CLVS1: variants seen among roughly 807,000 people sequenced by gnomAD.
CLVS1 encodes clavesin-1.
CLVS1 carries 10 observed loss-of-function variants against 33.1 expected under a neutral mutation model. That is an observed-to-expected ratio of 0.30 (90% CI 0.19 to 0.51). The LOEUF is 0.51. Among genes scored for constraint, CLVS1 ranks in the 20% least tolerant of loss-of-function variants. CLVS1 has a pLI of 0.97. For synonymous variants in CLVS1, 163 were observed against 166.1 expected (o/e 0.98, Z 0.14); for missense variants, 343 against 433.4 (o/e 0.79, Z 1.85).
At chr8:61,130,113 C>T (rs191749795) in intron 1 of CLVS1, among the ~76,000 whole-genome samples, 143 of 152,128 alleles carry the variant, frequency 9.4e-4, no homozygotes, top group African/African-American at 3.0e-3. Flanking sequence ...TGGCACGTGC[C>T]TGTAGTCCCA....
At chr8:61,355,076 C>G (rs1371535482) in intron 2 of CLVS1, among the ~76,000 whole-genome samples, 2 of 152,136 alleles carry the variant, frequency 1.3e-5, no homozygotes, top group Non-Finnish European at 2.9e-5. Flanking sequence ...CACCTACGCC[C>G]AAAACAAATT....
the CLVS1 span, chr8:60,966,321 T>G: frequency 4.4e-6 from 2 of 454,504 alleles, no homozygotes; most frequent in Non-Finnish European, 8.8e-6. Context: ...AGCAGCAGCC[T>G]CTGCCTTTTT....
intron 4 of CLVS1, among the ~76,000 whole-genome samples, chr8:61,457,923 G>A (rs1203962800): frequency 1.3e-5 from 2 of 152,222 alleles, no homozygotes. Flanking sequence ...GGATCTGGAG[G>A]ACTGGGTGAG....
At chr8:61,481,980 G>T (rs891546314) in intron 5 of CLVS1, among the ~76,000 whole-genome samples, 1 of 152,170 alleles carries the variant, frequency 6.6e-6, no homozygotes, top group Non-Finnish European at 1.5e-5. Flanking sequence ...ATACAGCTAG[G>T]TGCCCCTCTG....
At chr8:61,163,922 G>A (rs1437742881) in intron 2 of CLVS1, among the ~76,000 whole-genome samples, 5 of 152,168 alleles carry the variant, frequency 3.3e-5, no homozygotes, top group Non-Finnish European at 1.5e-5. Flanking sequence ...GAACAAACAC[G>A]GACCAGAAGA....
chr8:61,423,361 C>T (rs1469451451), intron 3 of CLVS1, among the ~76,000 whole-genome samples: 1 of 152,176 alleles, frequency 6.6e-6, no homozygotes, highest in Non-Finnish European at 1.5e-5. Flanking sequence ...ATTTAATTTA[C>T]AGAACACTTC....
chr8:61,059,810 C>CAA (rs71559323), intron 1 of CLVS1, among the ~76,000 whole-genome samples: 47 of 142,270 alleles, frequency 3.3e-4, no homozygotes, highest in Middle Eastern at 3.6e-3. Context: ...AACTCCATCT[C>CAA]AAAAAAAAAA....
intron 2 of CLVS1, among the ~76,000 whole-genome samples, chr8:61,156,381 A>G (rs1220020396): frequency 6.6e-6 from 1 of 151,722 alleles, no homozygotes; most frequent in Non-Finnish European, 1.5e-5. Flanking sequence ...CACACTTCGG[A>G]TATGGCTCGT....
rs530704577 is a variant in CLVS1, at chr8:61,249,441, T to C, written c.-151-50236T>C. ...AATCCTTTGGATATATACCCAGTAATGGGATTGCTGGGTCAGATGGTATTT... is the reference window on the plus strand; with the variant it reads ...AATCCTTTGGATATATACCCAGTAACGGGATTGCTGGGTCAGATGGTATTT... On this transcript the variant is annotated intron_variant, in intron 2 of 2. Coordinates refer to the CLVS1 transcript ENST00000522621. 5.9e-5 allele frequency among the ~76,000 whole-genome samples: 9 copies of C among 152,338 alleles called. No individual in the cohort carries two copies. In the East Asian group the frequency reaches 1.7e-3, roughly 29 times the overall value.
At chr8:61,327,297 A>G (rs1300695289) in intron 2 of CLVS1, among the ~76,000 whole-genome samples, 1 of 152,216 alleles carries the variant, frequency 6.6e-6, no homozygotes, top group Non-Finnish European at 1.5e-5. Flanking sequence ...ATAAACACCT[A>G]TAGATATTGA....
intron 2 of CLVS1, among the ~76,000 whole-genome samples, chr8:61,196,593 C>A (rs1807614287): frequency 6.6e-6 from 1 of 152,142 alleles, no homozygotes; most frequent in Non-Finnish European, 1.5e-5. Context: ...TTGTTCTTAC[C>A]TGTTTCCCCT....
chr8:60,994,499 G>T, the CLVS1 span, among the ~76,000 whole-genome samples: 8 of 152,184 alleles, frequency 5.3e-5, no homozygotes, highest in African/African-American at 1.9e-4. Flanking sequence ...CAAACCTGTG[G>T]TCTGTGAAGG....
chr8:60,971,540 G>T, the CLVS1 span, among the ~76,000 whole-genome samples: 1 of 152,128 alleles, frequency 6.6e-6, no homozygotes, highest in South Asian at 2.1e-4. Flanking sequence ...TGTGTATTTG[G>T]TCTCTCTCTT....
the CLVS1 span, among the ~76,000 whole-genome samples, chr8:61,035,313 C>CA: frequency 6.6e-6 from 1 of 151,436 alleles, no homozygotes; most frequent in African/African-American, 2.4e-5. Context: ...CCTGAGAGCT[C>CA]AAAAATCATT....
intron 2 of CLVS1, among the ~76,000 whole-genome samples, chr8:61,198,810 C>T (rs1218799616): frequency 6.6e-6 from 1 of 152,198 alleles, no homozygotes; most frequent in African/African-American, 2.4e-5. Context: ...TAAGTGAGAA[C>T]ATCCTGTATT....
Position 61,073,928 on chromosome 8 carries a change from C to T in CLVS1, c.-243+16698C>T, listed in dbSNP as rs111445487. Among the ~76,000 whole-genome samples, 1,260 of 144,922 alleles carry T rather than the reference C, an allele frequency of 8.7e-3. 18 individuals carry two copies. The highest frequency in any genetic ancestry group is 0.031 in the African/African-American group (1,193 of 38,390). On this transcript the variant is annotated intron_variant, in intron 1 of 2. Transcript: ENST00000522621. Reference sequence around the variant, plus strand: ...TCGGGATGCTGAGGCAGGAGAATGGCGTGAACCAGTGGGGCGGAGCCTGCA... The same window carrying T: ...TCGGGATGCTGAGGCAGGAGAATGGTGTGAACCAGTGGGGCGGAGCCTGCA...
chr8:61,188,998 G>T (rs1459673991), intron 2 of CLVS1, among the ~76,000 whole-genome samples: 2 of 151,944 alleles, frequency 1.3e-5, no homozygotes, highest in Non-Finnish European at 2.9e-5. Context: ...TAGATATATT[G>T]TAGCAAAACT....
Position 61,454,032 on chromosome 8 carries a change from C to T in CLVS1, c.631-109C>T. The T allele has an allele frequency of 1.2e-5, 9 of 766,772 alleles. No individual in the cohort carries two copies. In the South Asian group the frequency reaches 1.4e-4, roughly 12 times the overall value. The allele number at this position is 766,772 out of a possible 1,614,324, so 47.5% of individuals were successfully genotyped here. A position where few individuals can be genotyped will look rare whatever the true frequency, so the allele number is the denominator to read the frequency against. On this transcript the variant is annotated intron_variant, in intron 3 of 5. Coordinates refer to ENST00000325897, the MANE Select transcript of CLVS1 (RefSeq NM_173519.3). ...TCCTCTCCTCATCCTGAAGCTAGAGCTTCTACCAGGCAGGAAAAACAGGTT... is the reference window on the plus strand; with the variant it reads ...TCCTCTCCTCATCCTGAAGCTAGAGTTTCTACCAGGCAGGAAAAACAGGTT...
intron 2 of CLVS1, among the ~76,000 whole-genome samples, chr8:61,231,511 C>T (rs948026134): frequency 2.0e-5 from 3 of 152,196 alleles, no homozygotes; most frequent in Non-Finnish European, 4.4e-5. Context: ...AGACCCACTG[C>T]TCTAAAGCAA....
Sources: allele counts gnomAD v4.1 joint callset (sites outside exome capture counted in the v4.1 genomes callset), GRCh38; gene constraint gnomAD v4.1.1; transcripts MANE v1.5; gene names NCBI Gene and HGNC (gene_info 2026-07-23, HGNC 2026-07-21).